The following PRAG1 variants were observed in gnomAD, a reference collection of about 807,000 sequenced individuals.
PRAG1 encodes the protein PEAK1 related, kinase-activating pseudokinase 1.
A neutral mutation model predicts 95.6 loss-of-function variants in PRAG1; 110 were observed. The observed-to-expected ratio is 1.15, with a 90% CI of 0.99 to 1.35. The LOEUF (loss-of-function observed/expected upper bound fraction) is 1.35. Among genes scored for constraint, PRAG1 ranks in the 40% most tolerant of loss-of-function variants. The probability of loss-of-function intolerance (pLI) is 0.00; values close to 1 mark genes in which losing one functional copy is unlikely to be tolerated. For synonymous variants in PRAG1, 1,052 were observed against 819.4 expected (o/e 1.28, Z -4.85); for missense variants, 2,554 against 1,864.7 (o/e 1.37, Z -6.81).
At chr8:8,330,172 C>T (rs1798773806) in intron 4 of PRAG1, among the ~76,000 whole-genome samples, 1 of 152,228 alleles carries the variant, frequency 6.6e-6, no homozygotes, top group South Asian at 2.1e-4. Flanking sequence ...TCAAGACCAG[C>T]CTGGGCAAAA....
Position 8,377,040 on chromosome 8 carries a change from A to T in PRAG1, c.1369T>A (p.Ser457Thr). 6.2e-7 allele frequency: 1 copy of T among 1,613,972 alleles called. No homozygotes were observed. The highest frequency in any genetic ancestry group is 8.5e-7 in the Non-Finnish European group (1 of 1,180,018). ...TCTGGGCTGTCCCGGCCCCAGCCAG[A>T]TGCTGCTTTCTGGGCCCAGGCATTA... is the stretch of plus-strand genomic sequence containing the variant. ...TGNAWAQKAA[S>T]GWGRDSPDPT... Residue 457 changes from serine (S) to threonine (T), a missense_variant, in exon 3 of 6, where the codon TCT becomes ACT. Transcript: ENST00000615670.
chr8:8,342,490 C>T (rs1325296552), intron 3 of PRAG1, among the ~76,000 whole-genome samples: 1 of 152,104 alleles, frequency 6.6e-6, no homozygotes, highest in African/African-American at 2.4e-5. Context: ...GCCACCGCGC[C>T]CGGCCTTATC....
chr8:8,321,386 G>A (rs1798467800), intron 5 of PRAG1, among the ~76,000 whole-genome samples: 3 of 152,218 alleles, frequency 2.0e-5, no homozygotes, highest in Non-Finnish European at 1.5e-5. Flanking sequence ...TGCCTGGCCT[G>A]CACTTGGTTT....
At chr8:8,349,577 C>CG (rs1241951455) in intron 3 of PRAG1, among the ~76,000 whole-genome samples, 3 of 152,066 alleles carry the variant, frequency 2.0e-5, no homozygotes, top group Non-Finnish European at 2.9e-5. Context: ...CCACCGCGCC[C>CG]GGCCGGTTTC....
At chr8:8,384,384 C>A (rs559779640) in intron 1 of PRAG1, among the ~76,000 whole-genome samples, 1 of 152,120 alleles carries the variant, frequency 6.6e-6, no homozygotes, top group South Asian at 2.1e-4. Flanking sequence ...AGTTTACGAG[C>A]ACTCTTTGCT....
In PRAG1 at chr8:8,376,752, G is replaced by A; in HGVS notation, c.1657C>T (p.Pro553Ser). 1 of 1,610,094 alleles carries A rather than the reference G, an allele frequency of 6.2e-7. No individual in the cohort carries two copies. The highest frequency in any genetic ancestry group is 8.5e-7 in the Non-Finnish European group (1 of 1,179,984). ...AIPPKLSKSS[P>S]VGSPVSPSAG... The stretch of plus-strand genomic sequence containing the variant: ...GACGGTGACACCGGGGACCCTACAG[G>A]GCTACTCTTGGACAACTTGGGGGGA... Residue 553 changes from proline (P) to serine (S), a missense_variant, in exon 3 of 6, where the codon CCT becomes TCT. Pro to Ser is a moderately conservative substitution (Grantham distance 74). Coordinates refer to ENST00000615670, the MANE Select transcript of PRAG1 (RefSeq NM_001080826.3).
intron 3 of PRAG1, among the ~76,000 whole-genome samples, chr8:8,366,189 G>A (rs1215308873): frequency 6.6e-6 from 1 of 151,974 alleles, no homozygotes; most frequent in Non-Finnish European, 1.5e-5. Flanking sequence ...CACTCACTAA[G>A]AAGAAACAAG....
At chr8:8,326,134 T>TAATAATATTCAGTATATATA (rs1376943631) in intron 5 of PRAG1, among the ~76,000 whole-genome samples, 1 of 147,674 alleles carries the variant, frequency 6.8e-6, no homozygotes, top group Non-Finnish European at 1.5e-5. Flanking sequence ...CTACTACTAT[T>TAATAATATTCAGTATATATA]AATAATATTC....
Position 8,318,859 on chromosome 8 carries a change from G to T in PRAG1, c.3516C>A (p.Pro1172=), listed in dbSNP as rs758175847. ...PGPAPAPAPA[P]APAAAAPPCS... is the part of the protein sequence containing the mutation. ...AGGGAGGCGCGGCGGCGGCGGGGGC[G>T]GGAGCCGGGGCGGGGGCGGGGGCGG... is the stretch of plus-strand genomic sequence containing the variant. Residue 1172 remains proline, a synonymous_variant, in exon 6 of 6, where the codon CCC becomes CCA. Coordinates refer to ENST00000615670, the MANE Select transcript of PRAG1 (RefSeq NM_001080826.3). The surrounding 1 kb of genome is among the most constrained non-coding windows in gnomAD (Gnocchi z 4.2). The T allele has an allele frequency of 9.5e-6, 12 of 1,263,424 alleles. No individual in the cohort carries two copies. Among genetic ancestry groups the T allele is most frequent in the African/African-American group, 7.0e-5 (4 of 57,078 alleles). 78.3% of individuals were successfully genotyped at this position (1,263,424 alleles called of 1,614,324 possible).
rs771631162 is a variant in PRAG1, at chr8:8,327,761, A to C, written c.3021T>G (p.Ile1007Met). 2.5e-6 allele frequency: 4 copies of C among 1,614,144 alleles called. No individual in the cohort carries two copies. In the South Asian group the frequency reaches 4.4e-5, roughly 18 times the overall value. Residue 1007 changes from isoleucine (I) to methionine (M), a missense_variant, in exon 5 of 6, where the codon ATT becomes ATG. Ile to Met is a conservative substitution (Grantham distance 10). Transcript: ENST00000615670. Reference sequence around the variant, plus strand: ...CCTCAGAGCAGGTGGCACAGTAATAAATGGCATCCCCCGAGTCACAGCAGG... The same window carrying C: ...CCTCAGAGCAGGTGGCACAGTAATACATGGCATCCCCCGAGTCACAGCAGG... ...NKPCCDSGDA[I>M]YYCATCSEDP...
intron 3 of PRAG1, among the ~76,000 whole-genome samples, chr8:8,344,686 T>G (rs1799277050): frequency 6.6e-6 from 1 of 152,204 alleles, no homozygotes; most frequent in Non-Finnish European, 1.5e-5. Flanking sequence ...TTTGATACAC[T>G]AAAAATGAAA....
chr8:8,332,234 T>A (rs1454628071), intron 4 of PRAG1, among the ~76,000 whole-genome samples: 1 of 151,552 alleles, frequency 6.6e-6, no homozygotes, highest in Non-Finnish European at 1.5e-5. Flanking sequence ...GGATCTCGGC[T>A]CACTGCAAAC....
At chr8:8,338,620 A>G (rs1799067780) in intron 4 of PRAG1, among the ~76,000 whole-genome samples, 1 of 152,242 alleles carries the variant, frequency 6.6e-6, no homozygotes, top group Non-Finnish European at 1.5e-5. Flanking sequence ...TTCTCATCAG[A>G]ACACACCACA....
In PRAG1 at chr8:8,328,372, C is replaced by T. The variant is rs768156378; in HGVS notation, c.2410G>A (p.Val804Met). ...GGCTGCTGGGGGCCACTGGGGGACA[C>T]GTCCTCAGTGGAGCCTGAAGGAAAC... ...VPFPSGSTED[V>M]SPSGPQQPPP... is the part of the protein sequence containing the mutation. Residue 804 changes from valine to methionine, a missense_variant, in exon 5 of 6, where the codon GTG becomes ATG. Transcript: ENST00000615670. 1.4e-5 allele frequency: 22 copies of T among 1,613,006 alleles called. No homozygotes were observed. The highest frequency in any genetic ancestry group is 1.7e-5 in the Non-Finnish European group (20 of 1,179,518).
intron 3 of PRAG1, among the ~76,000 whole-genome samples, chr8:8,359,741 C>T (rs901743315): frequency 6.6e-6 from 1 of 152,204 alleles, no homozygotes; most frequent in African/African-American, 2.4e-5. Flanking sequence ...TAGCTTTCCT[C>T]AGTTTCCTTG....
Position 8,318,139 on chromosome 8 carries a change from A to G in PRAG1, c.*15T>C, listed in dbSNP as rs754154685. 5 of 1,602,798 alleles carry G rather than the reference A, an allele frequency of 3.1e-6. No individual in the cohort carries two copies. The highest frequency in any genetic ancestry group is 3.5e-4 in the Middle Eastern group (2 of 5,734). ...GGCAGGGAAGGGGCAGCGACGGTGC[A>G]GGCTGGGGCTTGGCTCACAGAAGCT... On this transcript the variant is annotated 3_prime_UTR_variant, in exon 6 of 6. Coordinates refer to ENST00000615670, the MANE Select transcript of PRAG1 (RefSeq NM_001080826.3). This position sits in a 1 kb window ranked among gnomAD's most constrained non-coding sequence, Gnocchi z 4.2.
At chr8:8,369,294 G>T (rs1318169271) in intron 3 of PRAG1, among the ~76,000 whole-genome samples, 13 of 152,030 alleles carry the variant, frequency 8.6e-5, no homozygotes, top group Non-Finnish European at 1.5e-5. Flanking sequence ...AAGAATGTAT[G>T]AGACACATCC....
intron 4 of PRAG1, among the ~76,000 whole-genome samples, chr8:8,331,041 C>T (rs1294105410): frequency 2.0e-5 from 3 of 152,132 alleles, no homozygotes; most frequent in South Asian, 4.1e-4. Flanking sequence ...GCGTCTGATT[C>T]TCAATTTATC....
At chr8:8,334,618 A>C (rs1470891688) in intron 4 of PRAG1, among the ~76,000 whole-genome samples, 1 of 150,796 alleles carries the variant, frequency 6.6e-6, no homozygotes, top group Non-Finnish European at 1.5e-5. Flanking sequence ...AATGTGATTT[A>C]CATGCGAAAG....
Sources: allele counts gnomAD v4.1 joint callset (sites outside exome capture counted in the v4.1 genomes callset), GRCh38; gene constraint gnomAD v4.1.1; non-coding constraint Gnocchi (gnomAD v3.1); transcripts MANE v1.5; gene names NCBI Gene and HGNC (gene_info 2026-07-23, HGNC 2026-07-21).